PMS2: variants seen among roughly 807,000 people sequenced by gnomAD.
PMS2 encodes PMS1 homolog 2, mismatch repair system component.
In PMS2, 69 loss-of-function variants were observed where a neutral mutation model predicts 90.0. The observed-to-expected ratio is 0.77, with a 90% CI of 0.63 to 0.94. The LOEUF (loss-of-function observed/expected upper bound fraction) is 0.94, where lower values mean the gene tolerates loss of function less well. Among genes scored for constraint, PMS2 ranks in the 40% least tolerant of loss-of-function variants. The pLI is 0.00. For missense variants in PMS2, 966 were observed against 1,040.2 expected, an observed-to-expected ratio of 0.93 and a Z score of 0.98; for synonymous variants, 332 against 375.1, an observed-to-expected ratio of 0.89 and a Z score of 1.33.
intron 6 of PMS2, among the ~76,000 whole-genome samples, chr7:5,998,693 C>CAA (rs1170781204): frequency 4.9e-5 from 5 of 101,500 alleles, no homozygotes; most frequent in African/African-American, 6.9e-5. Context: ...GACTCCAGCT[C>CAA]AAAAAAAAAA....
chr7:5,991,219 T>G (rs931257470), intron 9 of PMS2, among the ~76,000 whole-genome samples: 5 of 151,900 alleles, frequency 3.3e-5, no homozygotes, highest in African/African-American at 1.2e-4. Context: ...CATTCACATC[T>G]AAGGATAAAG....
intron 1 of PMS2, among the ~76,000 whole-genome samples, chr7:6,006,634 C>T (rs866753797): frequency 4.8e-5 from 7 of 147,362 alleles, no homozygotes; most frequent in South Asian, 2.1e-4. Context: ...GCCTGGGCAA[C>T]GAGCAAAAAA....
Position 6,009,035 on chromosome 7 carries a change from T to C in PMS2, c.-16A>G, listed in dbSNP as rs1786268058. 4 of 1,612,410 alleles carry C rather than the reference T, an allele frequency of 2.5e-6. No homozygotes were observed. Among genetic ancestry groups the C allele is most frequent in the Non-Finnish European group, 3.4e-6 (4 of 1,179,780 alleles). On this transcript the variant is annotated 5_prime_UTR_variant, in exon 1 of 15. Transcript: ENST00000265849. ...CTCGCTCCATGGATGCAACACCCGATCCGCCTCGGGGACTGGGAAAGTTCC... is the reference window on the plus strand; with the variant it reads ...CTCGCTCCATGGATGCAACACCCGACCCGCCTCGGGGACTGGGAAAGTTCC...
chr7:5,993,110 C>T (rs1043787059), intron 8 of PMS2, among the ~76,000 whole-genome samples: 2 of 152,102 alleles, frequency 1.3e-5, no homozygotes, highest in East Asian at 3.8e-4. Flanking sequence ...GTGGCTCACG[C>T]CTGTAATCCC....
intron 5 of PMS2, 67 bp downstream of exon 5, chr7:6,002,386 C>T (rs1785178440): frequency 1.0e-6 from 1 of 994,962 alleles, no homozygotes; most frequent in Non-Finnish European, 1.6e-6. Flanking sequence ...GAATAAACAT[C>T]TTTAGTAAAT....
rs786204109 is a variant in PMS2, at chr7:5,986,946, C to T, written c.1819G>A (p.Val607Ile). Residue 607 changes from valine to isoleucine, a missense_variant, in exon 11 of 15, where the codon GTA becomes ATA. This residue lies in a region of PMS2 where 871 missense variants were observed against 802.4 expected (regional missense o/e 1.09). Coordinates refer to ENST00000265849, the MANE Select transcript of PMS2 (RefSeq NM_000535.7). ...ACTTTCTTATTAATTTTCACAGCTA[C>T]ATCAACCTGAGAGGCTGACATGTCC... Reference protein sequence around the residue: ...TQDMSASQVDVAVKINKKVVP... With the variant: ...TQDMSASQVDIAVKINKKVVP... The T allele has an allele frequency of 1.9e-5, 30 of 1,613,858 alleles. No homozygotes were observed. The highest frequency in any genetic ancestry group is 2.7e-5 in the African/African-American group (2 of 74,928).
rs559526418 is a variant in PMS2 at position 6,003,324 on chromosome 7, T to TATATATATATATATAA, written c.353+365_353+366insTTATATATATATATAT. On this transcript the variant is annotated intron_variant, in intron 4 of 14. Coordinates refer to ENST00000265849, the MANE Select transcript of PMS2 (RefSeq NM_000535.7). ...AAAAAAAGATATATATATATATATA[T>TATATATATATATATAA]AATTATTTATAAAAATTTCATATCT... 6.8e-5 allele frequency: 10 copies of TATATATATATATATAA among 148,024 alleles called. No individual in the cohort carries two copies. In the South Asian group the frequency reaches 2.1e-3, roughly 31 times the overall value. The allele number at this position is 148,024 out of a possible 1,614,324, so 9.2% of individuals were successfully genotyped here. A position where few individuals can be genotyped will look rare whatever the true frequency, so the allele number is the denominator to read the frequency against.
Position 5,978,576 on chromosome 7 carries a change from A to G in PMS2, c.2275+20T>C. 6.3e-7 allele frequency: 1 copy of G among 1,587,764 alleles called. No individual in the cohort carries two copies. The highest frequency in any genetic ancestry group is 8.6e-7 in the Non-Finnish European group (1 of 1,161,156). On this transcript the variant is annotated intron_variant, in intron 13 of 14. Transcript: ENST00000265849. ...GTGAGCCACCACACCCAGCCGCTAT[A>G]GTTCTAATTAATAACTTACCATTTT...
chr7:5,984,150 C>T (rs1782604854), intron 11 of PMS2, among the ~76,000 whole-genome samples: 1 of 151,846 alleles, frequency 6.6e-6, no homozygotes, highest in Admixed American at 6.6e-5. Context: ...GGGAGAACTA[C>T]ATATGTACTT....
Position 6,006,042 on chromosome 7 carries a change from C to G in PMS2, c.24-11G>C, listed in dbSNP as rs1554306632. The G allele has an allele frequency of 1.9e-6, 3 of 1,610,362 alleles. No homozygotes were observed. The highest frequency in any genetic ancestry group is 1.7e-6 in the Non-Finnish European group (2 of 1,179,546). ...TTAGCAGGTTCTGTACTAGAGAAAT[C>G]AGTTACAAGAAACAAATCAAGTATT... On this transcript the variant is annotated splice_polypyrimidine_tract_variant and intron_variant, in intron 1 of 14. Coordinates refer to ENST00000265849, the MANE Select transcript of PMS2 (RefSeq NM_000535.7).
chr7:5,977,373 A>T (rs1335862513), intron 14 of PMS2, among the ~76,000 whole-genome samples: 1 of 146,776 alleles, frequency 6.8e-6, no homozygotes, highest in East Asian at 2.1e-4. Context: ...TGCTTAACAG[A>T]GGTAACAAAA....
intron 1 of PMS2, among the ~76,000 whole-genome samples, chr7:6,006,532 A>T (rs1216299720): frequency 6.6e-6 from 1 of 152,154 alleles, no homozygotes; most frequent in Non-Finnish European, 1.5e-5. Flanking sequence ...GGGCACCTGT[A>T]ATCCTAGCTA....
chr7:6,003,481 C>A, intron 4 of PMS2: 2 of 570,706 alleles, frequency 3.5e-6, no homozygotes, highest in Middle Eastern at 4.6e-4. Flanking sequence ...GGGTAACCAT[C>A]TTTTTAACAA....
intron 2 of PMS2, among the ~76,000 whole-genome samples, chr7:6,005,364 C>A (rs1449874872): frequency 6.6e-6 from 1 of 152,136 alleles, no homozygotes; most frequent in African/African-American, 2.4e-5. Flanking sequence ...GCCACCAGGT[C>A]CAGCTAATTT....
At chr7:6,008,257 T>G (rs1362626796) in intron 1 of PMS2, among the ~76,000 whole-genome samples, 2 of 152,172 alleles carry the variant, frequency 1.3e-5, no homozygotes, top group Non-Finnish European at 2.9e-5. Context: ...TAAATATATC[T>G]AATATATTTA....
intron 8 of PMS2, among the ~76,000 whole-genome samples, chr7:5,992,984 ATAAT>A (rs1479932561): frequency 6.6e-6 from 1 of 152,248 alleles, no homozygotes; most frequent in Non-Finnish European, 1.5e-5. Flanking sequence ...ATTAATAGTT[ATAAT>A]TAATAATTAT....
At chr7:6,004,366 G>A (rs368069996) in intron 2 of PMS2, 9 of 254,746 alleles carry the variant, frequency 3.5e-5, no homozygotes, top group South Asian at 2.7e-4. Context: ...GCTGTAAACC[G>A]CGTTGCACTT....
chr7:5,989,743 A>G (rs1783501376), intron 10 of PMS2, 57 bp downstream of exon 10: 1 of 1,354,906 alleles, frequency 7.4e-7, no homozygotes, highest in African/African-American at 1.5e-5. Flanking sequence ...TGGAAAAAAT[A>G]AGGAAACACA....
At chr7:5,990,758 A>G (rs1028981301) in intron 9 of PMS2, among the ~76,000 whole-genome samples, 1 of 152,204 alleles carries the variant, frequency 6.6e-6, no homozygotes, top group Admixed American at 6.6e-5. Flanking sequence ...CACACCCTGT[A>G]ATCCCAGCAC....
Sources: gnomAD v4.1 joint callset for allele counts (sites outside exome capture counted in the v4.1 genomes callset) on GRCh38, gnomAD v4.1.1 for gene constraint, gnomAD v4.1.1 regional missense constraint, MANE v1.5 for transcripts, NCBI Gene and HGNC (gene_info 2026-07-23, HGNC 2026-07-21) for gene names.